Variants in ZNF438 observed in about 807,000 individuals in gnomAD.
The protein encoded by ZNF438 is zinc finger protein 438.
ZNF438 carries 25 observed loss-of-function variants against 38.0 expected under a neutral mutation model. The observed-to-expected ratio is 0.66, with a 90% confidence interval of 0.48 to 0.92. The LOEUF is 0.92. Among genes scored for constraint, ZNF438 ranks in the 40% least tolerant of loss-of-function variants. The pLI is 0.00. For missense variants in ZNF438, 1,007 were observed against 999.6 expected, an observed-to-expected ratio of 1.01 and a Z score of -0.10; for synonymous variants, 372 against 364.1, an observed-to-expected ratio of 1.02 and a Z score of -0.25.
chr10:30,854,914 C>G (rs1218728545), intron 4 of ZNF438, among the ~76,000 whole-genome samples: 3 of 152,152 alleles, frequency 2.0e-5, no homozygotes, highest in African/African-American at 7.2e-5. Context: ...GAAGCAACAA[C>G]AGTGGTCAAG....
chr10:31,015,608 C>T (rs1285399366), intron 1 of ZNF438, among the ~76,000 whole-genome samples: 1 of 152,200 alleles, frequency 6.6e-6, no homozygotes, highest in Non-Finnish European at 1.5e-5. Context: ...CATGCCACTG[C>T]ACTCCAGCCT....
chr10:30,873,356 A>C (rs1239123255), intron 4 of ZNF438, among the ~76,000 whole-genome samples: 1 of 152,242 alleles, frequency 6.6e-6, no homozygotes, highest in Non-Finnish European at 1.5e-5. Context: ...TTAGAGTGAC[A>C]GTACAATGTT....
chr10:30,947,543 TG>T, intron 1 of ZNF438, among the ~76,000 whole-genome samples: 1 of 152,392 alleles, frequency 6.6e-6, no homozygotes, highest in South Asian at 2.1e-4. Flanking sequence ...TGAGCTGTGG[TG>T]GGCTCCGCCC....
At chr10:30,894,178 A>C (rs2041048520) in intron 3 of ZNF438, among the ~76,000 whole-genome samples, 2 of 152,224 alleles carry the variant, frequency 1.3e-5, no homozygotes, top group South Asian at 4.1e-4. Context: ...AAGAAGTAAA[A>C]ACTTCACATG....
At chr10:30,937,587 G>C (rs1251510752) in intron 2 of ZNF438, among the ~76,000 whole-genome samples, 4 of 152,084 alleles carry the variant, frequency 2.6e-5, no homozygotes, top group Non-Finnish European at 1.5e-5. Context: ...ATGCAAACTG[G>C]CTGAAATTAC....
intron 2 of ZNF438, among the ~76,000 whole-genome samples, chr10:30,940,098 A>G (rs2046660088): frequency 6.6e-6 from 1 of 152,242 alleles, no homozygotes; most frequent in Non-Finnish European, 1.5e-5. Flanking sequence ...ATGGTTGCCA[A>G]GAATATGGAA....
chr10:30,886,529 C>T (rs191510809), intron 3 of ZNF438, among the ~76,000 whole-genome samples: 2 of 152,286 alleles, frequency 1.3e-5, no homozygotes, highest in South Asian at 2.1e-4. Flanking sequence ...ACCTACCAAA[C>T]GTCGTAACTT....
At chr10:30,910,640 T>G (rs1027560504) in intron 2 of ZNF438, among the ~76,000 whole-genome samples, 4 of 98,734 alleles carry the variant, frequency 4.1e-5, no homozygotes, top group African/African-American at 1.6e-4. Flanking sequence ...AGCACCCCTT[T>G]AAAGAACCAC....
At position 30,901,859 on chromosome 10, in the gene ZNF438, T is replaced by A. The variant is rs369169721; in HGVS notation, c.-32+7074A>T. Among the ~76,000 whole-genome samples, 9 of 152,150 alleles carry A rather than the reference T, an allele frequency of 5.9e-5. No homozygotes were observed. The East Asian group carries it at 1.7e-3, about 29-fold the overall frequency. On this transcript the variant is annotated intron_variant, in intron 3 of 5. Coordinates refer to ENST00000413025, the Ensembl canonical transcript of ZNF438. Reference sequence around the variant, plus strand: ...TTCTGATGTTCAGATGTGTTCAGAGTTTCTTCTTTCTGGTGGGTTCATGAT... The same window carrying A: ...TTCTGATGTTCAGATGTGTTCAGAGATTCTTCTTTCTGGTGGGTTCATGAT...
intron 1 of ZNF438, among the ~76,000 whole-genome samples, chr10:31,021,812 G>A (rs1173058866): frequency 6.6e-6 from 1 of 152,116 alleles, no homozygotes; most frequent in Non-Finnish European, 1.5e-5. Context: ...GTTTTGCAAA[G>A]GAGACTCAAA....
chr10:30,875,341 C>T (rs534677592), intron 4 of ZNF438: 1 of 985,332 alleles, frequency 1.0e-6, no homozygotes, highest in East Asian at 1.1e-4. Flanking sequence ...CTTTTTAGAG[C>T]CTGAAAGGAA....
intron 1 of ZNF438, among the ~76,000 whole-genome samples, chr10:30,949,968 C>A (rs2047964457): frequency 6.6e-6 from 1 of 152,162 alleles, no homozygotes; most frequent in African/African-American, 2.4e-5. Flanking sequence ...CCACACCACA[C>A]CTATTCCAAA....
intron 1 of ZNF438, among the ~76,000 whole-genome samples, chr10:30,965,472 T>A (rs1172544530): frequency 6.6e-6 from 1 of 152,122 alleles, no homozygotes; most frequent in Non-Finnish European, 1.5e-5. Flanking sequence ...ACACATGAAC[T>A]CCTATGTTCA....
chr10:30,902,925 G>T (rs540716563), intron 3 of ZNF438, among the ~76,000 whole-genome samples: 1 of 152,364 alleles, frequency 6.6e-6, no homozygotes, highest in Admixed American at 6.5e-5. Context: ...ACTCAGGCAT[G>T]TCGGGCTGCA....
intron 1 of ZNF438, among the ~76,000 whole-genome samples, chr10:30,946,460 A>C (rs1359295002): frequency 4.6e-5 from 7 of 152,200 alleles, no homozygotes; most frequent in Non-Finnish European, 1.5e-5. Context: ...CAAAGGGCTA[A>C]TATCCAGAAT....
chr10:31,020,862 G>T (rs2056543545), intron 1 of ZNF438, among the ~76,000 whole-genome samples: 1 of 151,576 alleles, frequency 6.6e-6, no homozygotes, highest in African/African-American at 2.4e-5. Context: ...TATCATACAG[G>T]TCAGAAATTT....
chr10:30,961,255 TAAA>T (rs769360960), intron 1 of ZNF438, among the ~76,000 whole-genome samples: 1 of 115,168 alleles, frequency 8.7e-6, no homozygotes, highest in African/African-American at 2.8e-5. Flanking sequence ...AAAAAAAAAT[TAAA>T]AAAAAAAATT....
intron 1 of ZNF438, among the ~76,000 whole-genome samples, chr10:30,996,766 G>C (rs1238358542): frequency 6.6e-6 from 1 of 152,068 alleles, no homozygotes; most frequent in Non-Finnish European, 1.5e-5. Flanking sequence ...AAGTGCACAT[G>C]AAACATTTTC....
At chr10:30,867,957 G>A (rs1412059596) in intron 4 of ZNF438, among the ~76,000 whole-genome samples, 1 of 151,918 alleles carries the variant, frequency 6.6e-6, no homozygotes, top group Non-Finnish European at 1.5e-5. Context: ...TATTTATGGA[G>A]TATAAGTTAT....
Sources: allele counts gnomAD v4.1 joint callset (sites outside exome capture counted in the v4.1 genomes callset), GRCh38; gene constraint gnomAD v4.1.1; transcripts MANE v1.5; gene names NCBI Gene and HGNC (gene_info 2026-07-23, HGNC 2026-07-21).